HEMK2: variants seen among roughly 807,000 people sequenced by gnomAD.
HEMK2 encodes methyltransferase HEMK2.
At chr21:28,580,847 A>G in the HEMK2 span, among the ~76,000 whole-genome samples, 4 of 152,146 alleles carry the variant, frequency 2.6e-5, no homozygotes, top group Non-Finnish European at 4.4e-5. Context: ...TCCCTTCCCA[A>G]CTAGAAAGTA....
chr21:28,673,461 C>G, the HEMK2 span, among the ~76,000 whole-genome samples: 1 of 150,006 alleles, frequency 6.7e-6, no homozygotes, highest in South Asian at 2.2e-4. Context: ...CAGCAACATT[C>G]CAAACTCAAA....
the HEMK2 span, among the ~76,000 whole-genome samples, chr21:28,594,633 C>T: frequency 1.3e-5 from 2 of 152,280 alleles, no homozygotes; most frequent in East Asian, 1.9e-4. Flanking sequence ...GTAGTTGTAA[C>T]TTTCATTATA....
chr21:28,719,262 A>G, the HEMK2 span, among the ~76,000 whole-genome samples: 1 of 152,160 alleles, frequency 6.6e-6, no homozygotes, highest in Non-Finnish European at 1.5e-5. Flanking sequence ...GACTCTGCCC[A>G]ACTGATATCT....
At chr21:28,745,160 A>G in the HEMK2 span, among the ~76,000 whole-genome samples, 1 of 152,232 alleles carries the variant, frequency 6.6e-6, no homozygotes, top group African/African-American at 2.4e-5. Context: ...AGTGGGAAGC[A>G]CAGTGATTTT....
chr21:28,639,803 A>G, the HEMK2 span, among the ~76,000 whole-genome samples: 60 of 152,358 alleles, frequency 3.9e-4, no homozygotes, highest in South Asian at 0.012. Context: ...TCTGGTTTAC[A>G]CATTATTTCT....
At chr21:28,750,529 T>C in the HEMK2 span, among the ~76,000 whole-genome samples, 1 of 151,704 alleles carries the variant, frequency 6.6e-6, no homozygotes, top group Non-Finnish European at 1.5e-5. Flanking sequence ...TGAAGCTCCA[T>C]CTCTACTAAA....
chr21:28,821,559 C>T, the HEMK2 span, among the ~76,000 whole-genome samples: 22 of 152,160 alleles, frequency 1.4e-4, no homozygotes, highest in Non-Finnish European at 2.9e-4. Flanking sequence ...CACCGCACCC[C>T]TTTATCTTAA....
the HEMK2 span, among the ~76,000 whole-genome samples, chr21:28,771,518 A>ACCCCCGCC: frequency 9.5e-6 from 1 of 105,594 alleles, no homozygotes; most frequent in Non-Finnish European, 2.0e-5. Flanking sequence ...AAGATGCACC[A>ACCCCCGCC]CCCCCCCCCG....
At chr21:28,863,267 T>C in the HEMK2 span, among the ~76,000 whole-genome samples, 1 of 151,552 alleles carries the variant, frequency 6.6e-6, no homozygotes, top group Admixed American at 6.6e-5. Flanking sequence ...CTTTCTCCCA[T>C]GCTGGATGCT....
the HEMK2 span, among the ~76,000 whole-genome samples, chr21:28,768,215 T>A: frequency 6.6e-6 from 1 of 152,116 alleles, no homozygotes; most frequent in Non-Finnish European, 1.5e-5. Context: ...CATCATGCCA[T>A]GGAGACCACT....
the HEMK2 span, chr21:28,879,940 A>G: frequency 6.2e-7 from 1 of 1,602,612 alleles, no homozygotes; most frequent in Non-Finnish European, 8.5e-7. Context: ...CAATCTTGGT[A>G]GCAAGCCTTT....
chr21:28,748,198 C>G, the HEMK2 span, among the ~76,000 whole-genome samples: 1 of 152,282 alleles, frequency 6.6e-6, no homozygotes, highest in South Asian at 2.1e-4. Context: ...CATTCAAACC[C>G]CAAGTCTCAG....
At chr21:28,645,161 C>T in the HEMK2 span, among the ~76,000 whole-genome samples, 2 of 152,194 alleles carry the variant, frequency 1.3e-5, no homozygotes, top group East Asian at 1.9e-4. Flanking sequence ...TCCTGCCAGA[C>T]TCTGTTTAAT....
the HEMK2 span, among the ~76,000 whole-genome samples, chr21:28,879,080 C>CTTTTTTTTTTTTTTTTTTTTTTT: frequency 7.1e-5 from 7 of 98,658 alleles, 3 homozygotes; most frequent in Admixed American, 2.6e-4. Context: ...TAGATTGTTT[C>CTTTTTTTTTTTTTTTTTTTTTTT]TTTTTTTTTT....
At chr21:28,838,972 A>T in the HEMK2 span, among the ~76,000 whole-genome samples, 216 of 28,864 alleles carry the variant, frequency 7.5e-3, 2 homozygotes, top group African/African-American at 0.026. Context: ...AAAAAAAAAA[A>T]ATATATATAT....
the HEMK2 span, among the ~76,000 whole-genome samples, chr21:28,714,705 T>C: frequency 3.3e-5 from 5 of 152,200 alleles, no homozygotes; most frequent in East Asian, 7.7e-4. Flanking sequence ...CACGAGTATA[T>C]TGCATGATGC....
chr21:28,804,555 G>A, the HEMK2 span, among the ~76,000 whole-genome samples: 1 of 151,686 alleles, frequency 6.6e-6, no homozygotes, highest in Non-Finnish European at 1.5e-5. Flanking sequence ...GGCAACATAG[G>A]GAGACCCCAT....
At chr21:28,880,034 T>A in the HEMK2 span, 1 of 1,017,376 alleles carries the variant, frequency 9.8e-7, no homozygotes, top group Non-Finnish European at 1.4e-6. Flanking sequence ...AAAAATAATC[T>A]CCCATGTTTT....
the HEMK2 span, among the ~76,000 whole-genome samples, chr21:28,770,386 A>G: frequency 6.6e-6 from 1 of 152,018 alleles, no homozygotes; most frequent in South Asian, 2.1e-4. Context: ...TTACCATTCA[A>G]TTCAACTTGT....
Sources: gnomAD v4.1 joint callset for allele counts (sites outside exome capture counted in the v4.1 genomes callset) on GRCh38, gnomAD v4.1.1 for gene constraint, MANE v1.5 for transcripts, NCBI Gene and HGNC (gene_info 2026-07-23, HGNC 2026-07-21) for gene names.